The following QKI variants were observed in gnomAD, a reference collection of about 807,000 sequenced individuals.
The protein encoded by QKI is QKI, KH domain containing RNA binding.
A neutral mutation model predicts 39.0 loss-of-function variants in QKI; 10 were observed. That is an observed-to-expected ratio of 0.26 (90% CI 0.16 to 0.43). QKI has a LOEUF of 0.43. Ranked by LOEUF, QKI falls within the 20% of genes least tolerant of loss-of-function variation. QKI has a pLI of 1.00. For synonymous variants in QKI, 204 were observed against 155.4 expected (o/e 1.31, Z -2.33); for missense variants, 218 against 428.0 (o/e 0.51, Z 4.33).
chr6:163,535,371 T>G (rs2128241369), intron 4 of QKI, among the ~76,000 whole-genome samples: 2 of 152,216 alleles, frequency 1.3e-5, no homozygotes, highest in Middle Eastern at 6.8e-3. Context: ...ATCCAGATGC[T>G]TTTGTGTTAT....
rs1337567921 is a variant in QKI at position 163,570,722 on chromosome 6, C to G, written c.*12C>G. On this transcript the variant is annotated 3_prime_UTR_variant, in exon 8 of 8. Coordinates refer to ENST00000361752, the MANE Select transcript of QKI (RefSeq NM_006775.3). ...CCACCGGCAACTAACCTATGACCTT[C>G]TGACCTCTGAACTCTTCACCCAATG... 1.2e-6 allele frequency: 2 copies of G among 1,613,028 alleles called. No homozygotes were observed. The highest frequency in any genetic ancestry group is 2.2e-5 in the East Asian group (1 of 44,818).
chr6:163,563,577 A>G lies in QKI; in HGVS notation c.792A>G (p.Pro264=), dbSNP rs371528828. Residue 264 remains proline (P), a synonymous_variant, in exon 6 of 8, where the codon CCA becomes CCG. Coordinates refer to ENST00000361752, the MANE Select transcript of QKI (RefSeq NM_006775.3). ...GACAAATACAGACCGCTGTCATGCC[A>G]AACGGAACTCCTCACCCAACTGCTG... ...LIRQIQTAVM[P]NGTPHPTAAI... 5 of 1,614,070 alleles carry G rather than the reference A, an allele frequency of 3.1e-6. No homozygotes were observed. The African/African-American group carries it at 6.7e-5, about 22-fold the overall frequency.
intron 3 of QKI, among the ~76,000 whole-genome samples, chr6:163,532,799 C>G (rs1780943511): frequency 6.6e-6 from 1 of 152,174 alleles, no homozygotes; most frequent in South Asian, 2.1e-4. Flanking sequence ...CCAGGACTCT[C>G]TGAGCTTTGG....
chr6:163,519,073 A>G (rs1179474934), intron 3 of QKI, among the ~76,000 whole-genome samples: 1 of 152,112 alleles, frequency 6.6e-6, no homozygotes, highest in Non-Finnish European at 1.5e-5. Context: ...ATCTGTTGGT[A>G]TGTGTTCTGC....
chr6:163,436,062 T>G (rs1789246042), intron 1 of QKI, among the ~76,000 whole-genome samples: 1 of 152,212 alleles, frequency 6.6e-6, no homozygotes, highest in South Asian at 2.1e-4. Context: ...TTGAGATGCC[T>G]GTTCTGTCCC....
At chr6:163,438,048 TA>T (rs1182784022) in intron 1 of QKI, among the ~76,000 whole-genome samples, 1 of 152,198 alleles carries the variant, frequency 6.6e-6, no homozygotes, top group African/African-American at 2.4e-5. Context: ...AGGAACTTAG[TA>T]AAAATGAGTT....
intron 2 of QKI, among the ~76,000 whole-genome samples, chr6:163,473,880 A>G (rs949006549): frequency 6.6e-6 from 1 of 151,812 alleles, no homozygotes; most frequent in African/African-American, 2.4e-5. Flanking sequence ...ATTATGAGAA[A>G]GAAAAATTGT....
chr6:163,562,124 A>G, intron 5 of QKI, 55 bp downstream of exon 5: 1 of 1,385,690 alleles, frequency 7.2e-7, no homozygotes, highest in Non-Finnish European at 9.9e-7. Flanking sequence ...TTTTGTCTAC[A>G]GACTTTTTTC....
chr6:163,486,297 G>A (rs1011145918), intron 3 of QKI, among the ~76,000 whole-genome samples: 5 of 152,166 alleles, frequency 3.3e-5, no homozygotes. Context: ...ATTGGTAATA[G>A]TTTTTAACTT....
chr6:163,469,868 A>G (rs898396244), intron 2 of QKI, among the ~76,000 whole-genome samples: 2 of 152,122 alleles, frequency 1.3e-5, no homozygotes, highest in Non-Finnish European at 2.9e-5. Context: ...TTTTATTCAG[A>G]TCCTCATTTC....
chr6:163,417,894 TG>T (rs1379300904), intron 1 of QKI, among the ~76,000 whole-genome samples: 2 of 152,174 alleles, frequency 1.3e-5, no homozygotes, highest in African/African-American at 4.8e-5. Context: ...TTCCTTAGTG[TG>T]GAATAAGCGG....
intron 3 of QKI, among the ~76,000 whole-genome samples, chr6:163,532,561 G>A (rs766643563): frequency 2.6e-5 from 4 of 152,186 alleles, no homozygotes; most frequent in Non-Finnish European, 4.4e-5. Context: ...GTATTTAGTT[G>A]TACTGGAACA....
At chr6:163,564,881 T>C in intron 6 of QKI, 8 of 1,378,920 alleles carry the variant, frequency 5.8e-6, no homozygotes, top group Non-Finnish European at 7.5e-6. Context: ...TTTAGGACTT[T>C]GATCTTTTAA....
At chr6:163,544,539 G>A (rs550093939) in intron 4 of QKI, among the ~76,000 whole-genome samples, 3 of 152,096 alleles carry the variant, frequency 2.0e-5, no homozygotes, top group South Asian at 2.1e-4. Context: ...TACACTTTGC[G>A]TGCCCTCACT....
chr6:163,418,821 G>A (rs1476007788), intron 1 of QKI, among the ~76,000 whole-genome samples: 2 of 152,262 alleles, frequency 1.3e-5, no homozygotes, highest in East Asian at 3.9e-4. Context: ...ATAAAGTTTT[G>A]TAATTTAGAA....
intron 3 of QKI, among the ~76,000 whole-genome samples, chr6:163,483,942 A>G (rs372797861): frequency 1.1e-4 from 16 of 152,352 alleles, no homozygotes; most frequent in African/African-American, 3.8e-4. Context: ...TTGAAAGTCT[A>G]AATTACTCCT....
intron 3 of QKI, among the ~76,000 whole-genome samples, chr6:163,527,680 CAAAT>C (rs1387596621): frequency 1.3e-5 from 2 of 152,070 alleles, no homozygotes; most frequent in Non-Finnish European, 2.9e-5. Flanking sequence ...AAATCCAAAA[CAAAT>C]ACTTTGTTTC....
At chr6:163,472,972 G>A (rs1482438270) in intron 2 of QKI, among the ~76,000 whole-genome samples, 6 of 152,066 alleles carry the variant, frequency 3.9e-5, no homozygotes, top group Non-Finnish European at 7.4e-5. Context: ...AAAAAGAACA[G>A]CAGATTAAAC....
intron 3 of QKI, among the ~76,000 whole-genome samples, chr6:163,532,890 T>TA (rs1352642704): frequency 6.6e-6 from 1 of 152,190 alleles, no homozygotes; most frequent in African/African-American, 2.4e-5. Context: ...TGGGGGCAGT[T>TA]ATAGGCTCAC....
Sources: allele counts gnomAD v4.1 joint callset (sites outside exome capture counted in the v4.1 genomes callset), GRCh38; gene constraint gnomAD v4.1.1; transcripts MANE v1.5; gene names NCBI Gene and HGNC (gene_info 2026-07-23, HGNC 2026-07-21).